ATP6V1C1: variants seen among roughly 807,000 people sequenced by gnomAD.
ATP6V1C1 encodes the protein V-type proton ATPase subunit C 1.
A neutral mutation model predicts 53.9 loss-of-function variants in ATP6V1C1; 45 were observed. That is an observed-to-expected ratio of 0.83 (90% CI 0.66 to 1.07). The LOEUF is 1.07. Ranked by LOEUF, ATP6V1C1 falls within the 50% of genes least tolerant of loss-of-function variation. The pLI is 0.00. For synonymous variants in ATP6V1C1, 153 were observed against 155.2 expected (o/e 0.99, Z 0.11); for missense variants, 315 against 440.3 (o/e 0.72, Z 2.55).
chr8:103,058,360 T>G (rs996912810), intron 8 of ATP6V1C1, among the ~76,000 whole-genome samples: 3 of 152,202 alleles, frequency 2.0e-5, no homozygotes, highest in Non-Finnish European at 4.4e-5. Flanking sequence ...AACTTACCTG[T>G]TTAAATTTAG....
chr8:103,030,538 C>G (rs576609608), intron 1 of ATP6V1C1, among the ~76,000 whole-genome samples: 1 of 152,288 alleles, frequency 6.6e-6, no homozygotes, highest in South Asian at 2.1e-4. Flanking sequence ...AGACATCGGA[C>G]AATAGGCAGT....
At position 103,071,898 on chromosome 8, in the gene ATP6V1C1, T is replaced by C; in HGVS notation, c.*3151T>C. ...TCCCAAAGTGCTGGTGTTACAGGCATAAGCCACCACGCCTGGCCTGTGTTG... is the reference window on the plus strand; with the variant it reads ...TCCCAAAGTGCTGGTGTTACAGGCACAAGCCACCACGCCTGGCCTGTGTTG... On this transcript the variant is annotated 3_prime_UTR_variant, in exon 13 of 13. Transcript: ENST00000518738. 1 of 152,518 alleles carries C rather than the reference T, an allele frequency of 6.6e-6. No homozygotes were observed. Among genetic ancestry groups the C allele is most frequent in the Non-Finnish European group, 1.5e-5 (1 of 68,202 alleles). The allele number at this position is 152,518 out of a possible 1,614,324, so 9.4% of individuals were successfully genotyped here. A position where few individuals can be genotyped will look rare whatever the true frequency, so the allele number is the denominator to read the frequency against.
chr8:103,058,753 A>C (rs1422852778), intron 8 of ATP6V1C1, among the ~76,000 whole-genome samples: 1 of 152,210 alleles, frequency 6.6e-6, no homozygotes, highest in Non-Finnish European at 1.5e-5. Context: ...TCAAACCTGA[A>C]AGAATTTTAA....
At chr8:103,059,768 A>T (rs948180657) in intron 8 of ATP6V1C1, among the ~76,000 whole-genome samples, 1 of 151,054 alleles carries the variant, frequency 6.6e-6, no homozygotes, top group Non-Finnish European at 1.5e-5. Flanking sequence ...TTCTCCTCTC[A>T]TCAGTCCTCC....
chr8:103,060,443 C>T (rs1439599165), intron 8 of ATP6V1C1, among the ~76,000 whole-genome samples: 1 of 152,216 alleles, frequency 6.6e-6, no homozygotes, highest in East Asian at 1.9e-4. Flanking sequence ...GATAAAGTTA[C>T]TAATTCCCCA....
chr8:103,065,271 A>G (rs575192745), intron 11 of ATP6V1C1, among the ~76,000 whole-genome samples: 21 of 152,318 alleles, frequency 1.4e-4, no homozygotes, highest in African/African-American at 4.3e-4. Flanking sequence ...AAAACCCAAA[A>G]CTTGGCCGGG....
intron 5 of ATP6V1C1, 43 bp from the exon 6 acceptor site, chr8:103,052,688 T>G (rs1817221087): frequency 7.3e-7 from 1 of 1,370,522 alleles, no homozygotes; most frequent in East Asian, 2.5e-5. Flanking sequence ...AGAGGCAGAT[T>G]TAGGAAAATT....
chr8:103,057,708 G>T (rs192496314), intron 8 of ATP6V1C1, among the ~76,000 whole-genome samples: 75 of 152,108 alleles, frequency 4.9e-4, no homozygotes, highest in African/African-American at 1.7e-3. Flanking sequence ...CACCTTCCTT[G>T]TATATATTAT....
intron 1 of ATP6V1C1, among the ~76,000 whole-genome samples, chr8:103,029,718 C>CT (rs1474428071): frequency 6.6e-6 from 1 of 151,776 alleles, no homozygotes. Flanking sequence ...TGTATTCATG[C>CT]TTTATTTTAT....
intron 3 of ATP6V1C1, among the ~76,000 whole-genome samples, chr8:103,048,167 C>T (rs1475787114): frequency 1.3e-5 from 2 of 152,278 alleles, no homozygotes; most frequent in African/African-American, 4.8e-5. Context: ...TTCTTTTATA[C>T]CTCAGTGTCT....
At position 103,048,851 on chromosome 8, in the gene ATP6V1C1, G is replaced by C. The variant is rs183213792; in HGVS notation, c.201-19G>C. On this transcript the variant is annotated intron_variant, in intron 3 of 12. Coordinates refer to ENST00000518738, the MANE Select transcript of ATP6V1C1 (RefSeq NM_001695.5). ...GATCTTTTTCCTGAGAATGGTTGTT[G>C]ATATTTTTTCTTCCCCAGAGTGGTT... is the stretch of plus-strand genomic sequence containing the variant. 6.3e-7 allele frequency: 1 copy of C among 1,598,590 alleles called. No homozygotes were observed. Among genetic ancestry groups the C allele is most frequent in the East Asian group, 2.2e-5 (1 of 44,640 alleles).
At chr8:103,038,500 A>G (rs572499183) in intron 1 of ATP6V1C1, among the ~76,000 whole-genome samples, 1 of 152,258 alleles carries the variant, frequency 6.6e-6, no homozygotes, top group Admixed American at 6.5e-5. Context: ...CAGCTATTTT[A>G]CTTTTATCTA....
chr8:103,042,980 C>A (rs1009332179), intron 3 of ATP6V1C1, among the ~76,000 whole-genome samples: 4 of 152,306 alleles, frequency 2.6e-5, no homozygotes, highest in Non-Finnish European at 5.9e-5. Flanking sequence ...ATATATATCA[C>A]ATTAATCCGT....
intron 3 of ATP6V1C1, among the ~76,000 whole-genome samples, chr8:103,044,000 T>G (rs1252833746): frequency 1.3e-5 from 2 of 152,204 alleles, no homozygotes; most frequent in Admixed American, 6.5e-5. Context: ...ATGATTCTCC[T>G]GCCTCAGCCT....
chr8:103,068,343 A>G (rs1237949875), intron 12 of ATP6V1C1, among the ~76,000 whole-genome samples: 1 of 152,252 alleles, frequency 6.6e-6, no homozygotes, highest in East Asian at 1.9e-4. Context: ...TCTAAGTCCA[A>G]GATTTAAAAA....
intron 12 of ATP6V1C1, among the ~76,000 whole-genome samples, chr8:103,067,598 C>CTTTTTTTTTTTTTT (rs764474136): frequency 2.0e-4 from 23 of 114,900 alleles, no homozygotes; most frequent in African/African-American, 2.9e-4. Flanking sequence ...TTTTCTTTTT[C>CTTTTTTTTTTTTTT]TTTTTTTTTT....
At chr8:103,045,750 G>A (rs776453952) in intron 3 of ATP6V1C1, among the ~76,000 whole-genome samples, 7 of 152,024 alleles carry the variant, frequency 4.6e-5, no homozygotes, top group African/African-American at 9.7e-5. Context: ...GACCATCCTG[G>A]CTAACACGAT....
chr8:103,059,515 C>G (rs990883979), intron 8 of ATP6V1C1, among the ~76,000 whole-genome samples: 1 of 151,800 alleles, frequency 6.6e-6, no homozygotes, highest in African/African-American at 2.4e-5. Flanking sequence ...CCCTTGCACC[C>G]CCCTCCCCCC....
chr8:103,022,774 C>A (rs1442079870), intron 1 of ATP6V1C1, among the ~76,000 whole-genome samples: 1 of 152,060 alleles, frequency 6.6e-6, no homozygotes, highest in Non-Finnish European at 1.5e-5. Context: ...CCAGGCCTGG[C>A]AGGGTGGCTC....
Sources: gnomAD v4.1 joint callset for allele counts (sites outside exome capture counted in the v4.1 genomes callset) on GRCh38, gnomAD v4.1.1 for gene constraint, MANE v1.5 for transcripts, NCBI Gene and HGNC (gene_info 2026-07-23, HGNC 2026-07-21) for gene names.